MUSK: variants seen among roughly 807,000 people sequenced by gnomAD.
MUSK encodes muscle, skeletal receptor tyrosine-protein kinase.
In MUSK, 55 loss-of-function variants were observed where a neutral mutation model predicts 88.7. The ratio of observed to expected loss-of-function variants is 0.62; its 90% CI spans 0.50 to 0.78. The LOEUF (loss-of-function observed/expected upper bound fraction) is 0.78, where lower values mean the gene tolerates loss of function less well. Ranked by LOEUF, MUSK falls within the 30% of genes least tolerant of loss-of-function variation. The pLI is 0.00. For synonymous variants in MUSK, 387 were observed against 391.9 expected, an observed-to-expected ratio of 0.99 and a Z score of 0.15; for missense variants, 1,015 against 1,074.3, an observed-to-expected ratio of 0.94 and a Z score of 0.77.
rs535527476 is a variant in MUSK at position 110,715,941 on chromosome 9, G to T, written c.629-18310G>T. The stretch of plus-strand genomic sequence containing the variant: ...AACGATGAGAACACATGGACACATG[G>T]GGGGAACAATACACACTGGGGCCTG... On this transcript the variant is annotated intron_variant, in intron 5 of 14. Coordinates refer to ENST00000374448, the MANE Select transcript of MUSK (RefSeq NM_005592.4). Among the ~76,000 whole-genome samples, 6 of 149,290 alleles carry T rather than the reference G, an allele frequency of 4.0e-5. No individual in the cohort carries two copies. In the East Asian group the frequency reaches 1.2e-3, roughly 29 times the overall value.
rs1204210214 is a variant in MUSK at position 110,803,942 on chromosome 9, G to T, written c.*2954G>T. 6.6e-6 allele frequency among the ~76,000 whole-genome samples: 1 copy of T among 152,092 alleles called. No individual in the cohort carries two copies. Among genetic ancestry groups the T allele is most frequent in the Non-Finnish European group, 1.5e-5 (1 of 67,998 alleles). ...CAGGACAGATATCAGTAAGGCACCA[G>T]CAGTCATTTTTAGTGATCAAATACC... On this transcript the variant is annotated 3_prime_UTR_variant, in exon 15 of 15. Coordinates refer to ENST00000374448, the MANE Select transcript of MUSK (RefSeq NM_005592.4).
chr9:110,757,322 G>A (rs2131909940), intron 7 of MUSK, among the ~76,000 whole-genome samples: 1 of 152,010 alleles, frequency 6.6e-6, no homozygotes, highest in South Asian at 2.1e-4. Flanking sequence ...AGCCAGGCAG[G>A]GCAGCAGGTG....
chr9:110,727,326 C>T (rs951767627), intron 5 of MUSK: 2 of 152,040 alleles, frequency 1.3e-5, no homozygotes, highest in Non-Finnish European at 2.9e-5. Flanking sequence ...TGGCTCTGCA[C>T]CTGCAGCAAA....
rs1239095997 is a variant in MUSK at position 110,803,589 on chromosome 9, T to C, written c.*2601T>C. Among the ~76,000 whole-genome samples the C allele has an allele frequency of 6.6e-6, 1 of 151,004 alleles. No individual in the cohort carries two copies. Among genetic ancestry groups the C allele is most frequent in the Non-Finnish European group, 1.5e-5 (1 of 68,032 alleles). Reference sequence around the variant, plus strand: ...TGCATGTCGTTTCAAGCACACTCTATATCTATATTTTATTCTATTAACTTC... The same window carrying C: ...TGCATGTCGTTTCAAGCACACTCTACATCTATATTTTATTCTATTAACTTC... On this transcript the variant is annotated 3_prime_UTR_variant, in exon 15 of 15. Transcript: ENST00000374448.
chr9:110,740,676 G>A (rs543309953), intron 6 of MUSK, among the ~76,000 whole-genome samples: 11 of 152,166 alleles, frequency 7.2e-5, no homozygotes, highest in East Asian at 3.9e-4. Context: ...AGCATTTCGC[G>A]GCATGAAAGA....
chr9:110,689,051 TATAA>T (rs1291118674), intron 3 of MUSK, among the ~76,000 whole-genome samples: 4 of 140,890 alleles, frequency 2.8e-5, no homozygotes, highest in African/African-American at 1.0e-4. Context: ...TATTTAAATA[TATAA>T]ATATATAGCT....
chr9:110,755,488 G>A (rs2077298877), intron 7 of MUSK, among the ~76,000 whole-genome samples: 1 of 152,130 alleles, frequency 6.6e-6, no homozygotes, highest in Non-Finnish European at 1.5e-5. Context: ...AATGGGGACT[G>A]AGGAATTATG....
At chr9:110,710,644 G>A (rs1178626623) in intron 5 of MUSK, among the ~76,000 whole-genome samples, 1 of 152,024 alleles carries the variant, frequency 6.6e-6, no homozygotes, top group Non-Finnish European at 1.5e-5. Flanking sequence ...ACCGTGACAA[G>A]TGATAAAGGG....
intron 6 of MUSK, among the ~76,000 whole-genome samples, chr9:110,736,103 A>G (rs2077027693): frequency 6.6e-6 from 1 of 152,104 alleles, no homozygotes; most frequent in Non-Finnish European, 1.5e-5. Flanking sequence ...GCACAATACA[A>G]TATTTAAGTA....
In MUSK at chr9:110,785,564, G is replaced by T; in HGVS notation, c.1624G>T (p.Glu542Ter). 6.2e-7 allele frequency: 1 copy of T among 1,612,414 alleles called. No homozygotes were observed. Among genetic ancestry groups the T allele is most frequent in the South Asian group, 1.1e-5 (1 of 90,780 alleles). ...AAVTLTTLPS[E>*]LLLDRLHPNP... Reference sequence around the variant, plus strand: ...AGTAACCCTCACCACACTGCCTTCTGAGCTCTTACTAGATAGACTTCATCC... The same window carrying T: ...AGTAACCCTCACCACACTGCCTTCTTAGCTCTTACTAGATAGACTTCATCC... Residue 542 changes from glutamate (E) to a stop codon, truncating the protein, a stop_gained, in exon 13 of 15, where the codon GAG becomes TAG. Coordinates refer to ENST00000374448, the MANE Select transcript of MUSK (RefSeq NM_005592.4). LOFTEE classifies it high-confidence loss of function.
chr9:110,728,582 G>T, intron 5 of MUSK: 2 of 742,670 alleles, frequency 2.7e-6, no homozygotes, highest in South Asian at 1.6e-5. Context: ...AATTAATCTT[G>T]TTGCACAACT....
At chr9:110,767,506 TA>T (rs1245134742) in intron 8 of MUSK, among the ~76,000 whole-genome samples, 1 of 152,228 alleles carries the variant, frequency 6.6e-6, no homozygotes, top group African/African-American at 2.4e-5. Context: ...GCTTATTAAC[TA>T]AGAGTAGTCA....
At chr9:110,756,308 C>T (rs1349353523) in intron 7 of MUSK, among the ~76,000 whole-genome samples, 1 of 151,908 alleles carries the variant, frequency 6.6e-6, no homozygotes, top group Non-Finnish European at 1.5e-5. Context: ...TTCAACCTCT[C>T]ATAATCCCCA....
chr9:110,686,299 C>T (rs2076195719), intron 2 of MUSK, among the ~76,000 whole-genome samples: 1 of 152,070 alleles, frequency 6.6e-6, no homozygotes, highest in Non-Finnish European at 1.5e-5. Flanking sequence ...CTTATTATCA[C>T]ACAGGGACCA....
intron 9 of MUSK, among the ~76,000 whole-genome samples, chr9:110,773,136 A>C (rs2131977600): frequency 6.6e-6 from 1 of 152,230 alleles, no homozygotes; most frequent in South Asian, 2.1e-4. Flanking sequence ...CTGGGCTCCA[A>C]GTACTACACT....
chr9:110,737,126 A>T (rs950283792), intron 6 of MUSK, among the ~76,000 whole-genome samples: 12 of 151,264 alleles, frequency 7.9e-5, no homozygotes, highest in South Asian at 2.1e-4. Context: ...TCTGTTAAAA[A>T]TTTTTTTTTC....
intron 1 of MUSK, among the ~76,000 whole-genome samples, chr9:110,674,787 T>C (rs1012897363): frequency 7.2e-5 from 11 of 151,900 alleles, no homozygotes; most frequent in Non-Finnish European, 5.9e-5. Context: ...AATTTTTAAA[T>C]TTTTTGTAGA....
At chr9:110,786,516 T>A (rs1430138965) in intron 13 of MUSK, among the ~76,000 whole-genome samples, 1 of 152,122 alleles carries the variant, frequency 6.6e-6, no homozygotes, top group Non-Finnish European at 1.5e-5. Context: ...TTTTAAATTA[T>A]AAGAAATTAG....
intron 11 of MUSK, among the ~76,000 whole-genome samples, chr9:110,782,191 C>T (rs67150290): frequency 0.047 from 7,133 of 152,008 alleles, 427 homozygotes; most frequent in African/African-American, 0.14. Flanking sequence ...TATAAACTCC[C>T]GTAGTGTTCA....
Sources: allele counts gnomAD v4.1 joint callset (sites outside exome capture counted in the v4.1 genomes callset), GRCh38; gene constraint gnomAD v4.1.1; transcripts MANE v1.5; gene names NCBI Gene and HGNC (gene_info 2026-07-23, HGNC 2026-07-21).